The following ISY1 variants were observed in gnomAD, a reference collection of about 807,000 sequenced individuals.
ISY1 encodes pre-mRNA-splicing factor ISY1 homolog.
ISY1 carries 12 observed loss-of-function variants against 54.4 expected under a neutral mutation model. That is an observed-to-expected ratio of 0.22 (90% confidence interval 0.14 to 0.36). The LOEUF is 0.36. Among genes scored for constraint, ISY1 ranks in the 10% least tolerant of loss-of-function variants. The probability of loss-of-function intolerance (pLI) is 1.00; values close to 1 mark genes in which losing one functional copy is unlikely to be tolerated. For synonymous variants in ISY1, 96 were observed against 117.9 expected (o/e 0.81, Z 1.20); for missense variants, 282 against 342.2 (o/e 0.82, Z 1.39).
chr3:129,155,487 C>A (rs1193924117), intron 5 of ISY1, among the ~76,000 whole-genome samples: 2 of 152,050 alleles, frequency 1.3e-5, no homozygotes, highest in East Asian at 3.9e-4. Flanking sequence ...AGCCACCGCA[C>A]CAGGCCAGTG....
Sources: gnomAD v4.1 joint callset for allele counts (sites outside exome capture counted in the v4.1 genomes callset) on GRCh38, gnomAD v4.1.1 for gene constraint, MANE v1.5 for transcripts, NCBI Gene and HGNC (gene_info 2026-07-23, HGNC 2026-07-21) for gene names.